ZFHX3: variants seen among roughly 807,000 people sequenced by gnomAD.
ZFHX3 encodes the protein zinc finger homeobox 3, also known as zinc finger homeobox protein 3.
A neutral mutation model predicts 279.1 loss-of-function variants in ZFHX3; 42 were observed. The ratio of observed to expected loss-of-function variants is 0.15; its 90% CI spans 0.12 to 0.19. The LOEUF is 0.19. Ranked by LOEUF, ZFHX3 falls within the 10% of genes least tolerant of loss-of-function variation. The probability of loss-of-function intolerance (pLI) is 1.00; values close to 1 mark genes in which losing one functional copy is unlikely to be tolerated. For missense variants in ZFHX3, 4,981 were observed against 4,754.0 expected (o/e 1.05, Z -1.40); for synonymous variants, 2,293 against 1,957.8 (o/e 1.17, Z -4.52).
chr16:73,734,573 T>C (rs2142253136), intron 1 of ZFHX3, among the ~76,000 whole-genome samples: 1 of 152,266 alleles, frequency 6.6e-6, no homozygotes, highest in African/African-American at 2.4e-5. Flanking sequence ...ATATATTCCA[T>C]TTATAGAATT....
intron 2 of ZFHX3, among the ~76,000 whole-genome samples, chr16:73,661,300 A>G (rs1424583717): frequency 6.6e-6 from 1 of 152,244 alleles, no homozygotes; most frequent in East Asian, 1.9e-4. Context: ...CAAACAAAAA[A>G]CAGAAAGAAA....
At chr16:73,368,119 C>T (rs747683369) in intron 3 of ZFHX3, among the ~76,000 whole-genome samples, 2 of 152,202 alleles carry the variant, frequency 1.3e-5, no homozygotes, top group Admixed American at 6.5e-5. Flanking sequence ...GATCCACCCG[C>T]CTTGGCCTCC....
chr16:73,678,845 G>T (rs2052981197), intron 2 of ZFHX3, among the ~76,000 whole-genome samples: 1 of 152,118 alleles, frequency 6.6e-6, no homozygotes, highest in African/African-American at 2.4e-5. Context: ...CACACCAAGA[G>T]AAACACCCGA....
At chr16:72,986,904 T>C (rs1458906577) in intron 1 of ZFHX3, among the ~76,000 whole-genome samples, 2 of 152,124 alleles carry the variant, frequency 1.3e-5, no homozygotes, top group Non-Finnish European at 2.9e-5. Flanking sequence ...CCAGAACTTT[T>C]GGAGGCCGAG....
At chr16:73,550,334 A>G in intron 2 of ZFHX3, among the ~76,000 whole-genome samples, 1 of 152,178 alleles carries the variant, frequency 6.6e-6, no homozygotes, top group East Asian at 1.9e-4. Context: ...TCTGCTGACC[A>G]TTAGACCCTT....
intron 3 of ZFHX3, among the ~76,000 whole-genome samples, chr16:72,922,126 C>A (rs2039601675): frequency 6.6e-6 from 1 of 152,218 alleles, no homozygotes; most frequent in African/African-American, 2.4e-5. Flanking sequence ...CATTTCCACA[C>A]TGCAGGGGCA....
intron 1 of ZFHX3, among the ~76,000 whole-genome samples, chr16:73,820,978 C>A (rs1433897751): frequency 1.3e-5 from 2 of 152,052 alleles, no homozygotes; most frequent in African/African-American, 4.8e-5. Flanking sequence ...TTGCAGTCAA[C>A]TTAGGAGACA....
At chr16:73,491,568 T>A (rs2019056751) in intron 2 of ZFHX3, among the ~76,000 whole-genome samples, 1 of 152,214 alleles carries the variant, frequency 6.6e-6, no homozygotes, top group Non-Finnish European at 1.5e-5. Flanking sequence ...CAATATTCAT[T>A]ACGTGTGTGT....
At chr16:73,591,691 T>TAAAAAAAAAAAA (rs1567527637) in intron 2 of ZFHX3, among the ~76,000 whole-genome samples, 1 of 5,510 alleles carries the variant, frequency 1.8e-4, no homozygotes, top group African/African-American at 4.4e-4. Flanking sequence ...AGACTCTGTC[T>TAAAAAAAAAAAA]CAAAAAAAAA....
Position 72,787,713 on chromosome 16 carries a change from G to GCCGCCGCCA in ZFHX3, c.10562_10563insTGGCGGCGG (p.Gly3525_Gly3527dup), listed in dbSNP as rs1555515320. Reference sequence around the variant, plus strand: ...GGTACGAGCCGCCGCCGCCGCCGCCGCCGCCACCGCCGCCGCCGCCGCCAC... The same window carrying GCCGCCGCCA: ...GGTACGAGCCGCCGCCGCCGCCGCCGCCGCCGCCACCGCCACCGCCGCCGCCGCCGCCAC... On this transcript the variant is annotated inframe_insertion, in exon 10 of 10. Transcript: ENST00000268489. The GCCGCCGCCA allele has an allele frequency of 5.8e-6, 8 of 1,385,148 alleles. No individual in the cohort carries two copies. Among genetic ancestry groups the GCCGCCGCCA allele is most frequent in the South Asian group, 4.2e-5 (2 of 47,490 alleles). 85.8% of individuals were successfully genotyped at this position (1,385,148 alleles called of 1,614,324 possible).
chr16:73,768,812 C>T (rs76221580), intron 1 of ZFHX3, among the ~76,000 whole-genome samples: 2,646 of 152,216 alleles, frequency 0.017, 82 homozygotes, highest in African/African-American at 0.061. Context: ...TGAGTAGTGG[C>T]GACCTACAGC....
intron 1 of ZFHX3, among the ~76,000 whole-genome samples, chr16:72,993,950 A>C (rs1963186064): frequency 6.6e-6 from 1 of 151,980 alleles, no homozygotes; most frequent in South Asian, 2.1e-4. Flanking sequence ...CGAGTGCACT[A>C]ATTCACCCTC....
chr16:73,417,735 G>A (rs2143481469), intron 3 of ZFHX3, among the ~76,000 whole-genome samples: 1 of 151,850 alleles, frequency 6.6e-6, no homozygotes, highest in African/African-American at 2.4e-5. Flanking sequence ...TACTTTGGGA[G>A]GCTGAAGCGG....
intron 5 of ZFHX3, among the ~76,000 whole-genome samples, chr16:73,182,394 T>C (rs978045553): frequency 6.6e-6 from 1 of 152,044 alleles, no homozygotes; most frequent in African/African-American, 2.4e-5. Flanking sequence ...GAGGCAGAGG[T>C]TGCAGTGAGC....
At position 73,800,342 on chromosome 16, in the gene ZFHX3, C is replaced by T. The variant is rs148177833; in HGVS notation, c.-1608+91309G>A. Reference sequence around the variant, plus strand: ...AAGCAATTCTCCCGTCTCAGCCTTTCGAGTAGCTGGGACTACAGATGCACA... The same window carrying T: ...AAGCAATTCTCCCGTCTCAGCCTTTTGAGTAGCTGGGACTACAGATGCACA... On this transcript the variant is annotated intron_variant, in intron 1 of 17. Transcript: ENST00000641206. Among the ~76,000 whole-genome samples the T allele has an allele frequency of 1.5e-3, 235 of 152,110 alleles. 1 individual carries two copies. Among genetic ancestry groups the T allele is most frequent in the African/African-American group, 5.6e-3 (231 of 41,496 alleles).
At chr16:73,168,653 G>A (rs879702044) in intron 5 of ZFHX3, among the ~76,000 whole-genome samples, 3 of 151,938 alleles carry the variant, frequency 2.0e-5, no homozygotes, top group African/African-American at 4.8e-5. Context: ...GTCCCTCCCC[G>A]CAATTCCCCC....
At chr16:73,263,905 G>T (rs1336038931) in intron 4 of ZFHX3, among the ~76,000 whole-genome samples, 1 of 152,178 alleles carries the variant, frequency 6.6e-6, no homozygotes, top group Non-Finnish European at 1.5e-5. Context: ...AGTGGCTCAC[G>T]CCTGTAATCC....
At chr16:73,519,846 T>C (rs1178740342) in intron 2 of ZFHX3, among the ~76,000 whole-genome samples, 1 of 152,192 alleles carries the variant, frequency 6.6e-6, no homozygotes, top group Non-Finnish European at 1.5e-5. Context: ...GGAAGTGGCA[T>C]TGCTCACAAA....
chr16:73,259,152 TG>T (rs1331773036), intron 4 of ZFHX3, among the ~76,000 whole-genome samples: 1 of 152,206 alleles, frequency 6.6e-6, no homozygotes, highest in Non-Finnish European at 1.5e-5. Context: ...AACATGACTG[TG>T]TATGTGTGTG....
Sources: gnomAD v4.1 joint callset for allele counts (sites outside exome capture counted in the v4.1 genomes callset) on GRCh38, gnomAD v4.1.1 for gene constraint, MANE v1.5 for transcripts, NCBI Gene and HGNC (gene_info 2026-07-23, HGNC 2026-07-21) for gene names.